Variants in MLLT3 observed in about 807,000 individuals in gnomAD.
The protein encoded by MLLT3 is protein AF-9.
In MLLT3, 4 loss-of-function variants were observed where a neutral mutation model predicts 53.2. That is an observed-to-expected ratio of 0.08 (90% CI 0.04 to 0.17). The LOEUF is 0.17. Among genes scored for constraint, MLLT3 ranks in the 10% least tolerant of loss-of-function variants. MLLT3 has a pLI of 1.00. For synonymous variants in MLLT3, 283 were observed against 230.6 expected (o/e 1.23, Z -2.06); for missense variants, 569 against 684.0 (o/e 0.83, Z 1.87).
In MLLT3 at chr9:20,496,515, G is replaced by A. The variant is rs537947505; in HGVS notation, c.194-39729C>T. ...AATTGACACGTCACATGAGTACAGGGGAGGTTAGGTTCATAACACGCACTG... is the reference window on the plus strand; with the variant it reads ...AATTGACACGTCACATGAGTACAGGAGAGGTTAGGTTCATAACACGCACTG... On this transcript the variant is annotated intron_variant, in intron 2 of 10. Coordinates refer to ENST00000380338, the MANE Select transcript of MLLT3 (RefSeq NM_004529.4). Among the ~76,000 whole-genome samples the A allele has an allele frequency of 2.0e-5, 3 of 152,122 alleles. No individual in the cohort carries two copies. In the East Asian group the frequency reaches 5.8e-4, roughly 29 times the overall value.
chr9:20,373,492 T>G (rs1001773963), intron 5 of MLLT3, among the ~76,000 whole-genome samples: 1 of 152,258 alleles, frequency 6.6e-6, no homozygotes, highest in Non-Finnish European at 1.5e-5. Flanking sequence ...GCACTGATCC[T>G]GTACTAAGAG....
intron 2 of MLLT3, among the ~76,000 whole-genome samples, chr9:20,503,682 A>G (rs1220669297): frequency 6.6e-6 from 1 of 152,112 alleles, no homozygotes; most frequent in Non-Finnish European, 1.5e-5. Context: ...ACCAAAAACA[A>G]AAACAAAAAA....
intron 5 of MLLT3, among the ~76,000 whole-genome samples, chr9:20,405,085 C>T (rs930866771): frequency 6.6e-6 from 1 of 152,118 alleles, no homozygotes; most frequent in East Asian, 1.9e-4. Flanking sequence ...TAACACTGGC[C>T]ATGTCCTTGG....
chr9:20,596,466 G>A (rs533941984), intron 2 of MLLT3, among the ~76,000 whole-genome samples: 9 of 152,302 alleles, frequency 5.9e-5, no homozygotes, highest in African/African-American at 2.2e-4. Context: ...AAGGCAGGCG[G>A]ATCACCTGAG....
chr9:20,439,289 G>C (rs1287134986), intron 4 of MLLT3, among the ~76,000 whole-genome samples: 1 of 152,116 alleles, frequency 6.6e-6, no homozygotes, highest in Non-Finnish European at 1.5e-5. Context: ...CCAGGAGGCA[G>C]AGGCTGCAGT....
chr9:20,369,354 TAAAC>T (rs1217790645), intron 5 of MLLT3, among the ~76,000 whole-genome samples: 1 of 152,196 alleles, frequency 6.6e-6, no homozygotes, highest in East Asian at 1.9e-4. Flanking sequence ...CTTTCTTCCT[TAAAC>T]ACACACACAA....
In MLLT3 at chr9:20,398,220, G is replaced by A. The variant is rs550716757; in HGVS notation, c.1125+15501C>T. On this transcript the variant is annotated intron_variant, in intron 5 of 10. Transcript: ENST00000380338. ...AAGTAATCCCTCACCTCAGTCTCTC[G>A]AGCAGCTGGTGTGTGCCACCACACT... Among the ~76,000 whole-genome samples, 262 of 151,946 alleles carry A rather than the reference G, an allele frequency of 1.7e-3. 1 individual carries two copies. Among genetic ancestry groups the A allele is most frequent in the African/African-American group, 5.1e-3 (213 of 41,454 alleles).
chr9:20,611,052 T>C (rs1026674543), intron 2 of MLLT3, among the ~76,000 whole-genome samples: 1 of 152,090 alleles, frequency 6.6e-6, no homozygotes, highest in African/African-American at 2.4e-5. Context: ...TTCTTCAATA[T>C]AAAAAAGGTC....
intron 2 of MLLT3, among the ~76,000 whole-genome samples, chr9:20,538,833 A>G (rs1444359618): frequency 6.6e-6 from 1 of 152,258 alleles, no homozygotes; most frequent in Non-Finnish European, 1.5e-5. Flanking sequence ...CAAAGCAAAT[A>G]TCACAATAAA....
Position 20,415,655 on chromosome 9 carries a change from T to C in MLLT3, c.421-1230A>G, listed in dbSNP as rs1395884980. Among the ~76,000 whole-genome samples the C allele has an allele frequency of 5.9e-5, 9 of 152,210 alleles. No individual in the cohort carries two copies. The East Asian group carries it at 1.7e-3, about 29-fold the overall frequency. On this transcript the variant is annotated intron_variant, in intron 4 of 10. Transcript: ENST00000380338. ...CTAACTCACCCATTTAAGCCAATGA[T>C]ATGTAAACCAATCCTATATTCCTTA...
chr9:20,366,927 G>A (rs1031784947), intron 5 of MLLT3, among the ~76,000 whole-genome samples: 5 of 152,178 alleles, frequency 3.3e-5, no homozygotes, highest in African/African-American at 9.7e-5. Context: ...AAAACATAGT[G>A]GTAATGAGGC....
intron 2 of MLLT3, among the ~76,000 whole-genome samples, chr9:20,564,778 C>T (rs1819305958): frequency 6.6e-6 from 1 of 152,112 alleles, no homozygotes; most frequent in South Asian, 2.1e-4. Flanking sequence ...TCTCTTAATG[C>T]CTATTAAATA....
chr9:20,381,913 G>A (rs1040841698), intron 5 of MLLT3, among the ~76,000 whole-genome samples: 6 of 151,750 alleles, frequency 4.0e-5, no homozygotes, highest in African/African-American at 1.4e-4. Context: ...CTAATCCTTA[G>A]CTTCTCTCAG....
chr9:20,533,187 CA>C, intron 2 of MLLT3: 1 of 285,232 alleles, frequency 3.5e-6, no homozygotes, highest in Non-Finnish European at 6.9e-6. Context: ...ACTTGGAAGG[CA>C]AAGGAGCTTT....
chr9:20,541,558 A>G (rs748095636), intron 2 of MLLT3, among the ~76,000 whole-genome samples: 8 of 152,216 alleles, frequency 5.3e-5, no homozygotes, highest in Non-Finnish European at 1.2e-4. Flanking sequence ...CCACACTTTT[A>G]AAACTTCAGA....
intron 5 of MLLT3, among the ~76,000 whole-genome samples, chr9:20,404,935 C>T (rs1822544052): frequency 6.6e-6 from 1 of 152,110 alleles, no homozygotes. Flanking sequence ...GCCCTACCTT[C>T]CTTCCTCAGA....
chr9:20,447,508 C>G (rs1823734949), intron 4 of MLLT3, among the ~76,000 whole-genome samples: 1 of 152,088 alleles, frequency 6.6e-6, no homozygotes, highest in Non-Finnish European at 1.5e-5. Context: ...AGCAAACACA[C>G]CAAATGTTTA....
At chr9:20,565,940 ATATATATATATATT>A (rs1328335405) in intron 2 of MLLT3, among the ~76,000 whole-genome samples, 921 of 12,080 alleles carry the variant, frequency 0.076, 20 homozygotes, top group Non-Finnish European at 0.1. Context: ...ATATATATTT[ATATATATATATATT>A]TATATATATA....
intron 2 of MLLT3, among the ~76,000 whole-genome samples, chr9:20,459,437 C>CCA (rs1824054526): frequency 6.6e-6 from 1 of 152,202 alleles, no homozygotes. Flanking sequence ...TGAGCAGCCC[C>CCA]CACCCCACCT....
Sources: gnomAD v4.1 joint callset for allele counts (sites outside exome capture counted in the v4.1 genomes callset) on GRCh38, gnomAD v4.1.1 for gene constraint, MANE v1.5 for transcripts, NCBI Gene and HGNC (gene_info 2026-07-23, HGNC 2026-07-21) for gene names.